Variants in IPO8 observed in about 807,000 individuals in gnomAD.
IPO8 encodes the protein importin 8, also known as importin-8.
A neutral mutation model predicts 141.2 loss-of-function variants in IPO8; 65 were observed. The ratio of observed to expected loss-of-function variants is 0.46; its 90% CI spans 0.38 to 0.57. The LOEUF is 0.57. IPO8 is among the 20% of genes least tolerant of loss of function. The pLI is 0.00. For missense variants in IPO8, 980 were observed against 1,246.8 expected (o/e 0.79, Z 3.22); for synonymous variants, 411 against 420.3 (o/e 0.98, Z 0.27).
rs1391023425 is a variant in IPO8 at position 30,639,632 on chromosome 12, T to C, written c.2372A>G (p.Tyr791Cys). 6.2e-7 allele frequency: 1 copy of C among 1,614,078 alleles called. No homozygotes were observed. Among genetic ancestry groups the C allele is most frequent in the Admixed American group, 1.7e-5 (1 of 60,026 alleles). The change falls in exon 21 of 25, where the codon TAC (tyrosine) becomes TGC (cysteine). Residue 791 changes from tyrosine (Y) to cysteine (C), a missense_variant. This residue lies in a region of IPO8 where 924 missense variants were observed against 1,153.9 expected (regional missense o/e 0.80). Coordinates refer to ENST00000256079, the MANE Select transcript of IPO8 (RefSeq NM_006390.4). ...ATGTAGCAGCAAATCAGGGTTGTAG[T>C]ACAAGGCAGCAATTGCAACCTGAAG... ...MCLQVAIAAL[Y>C]YNPDLLLHTL...
At chr12:30,679,129 G>A (rs2053159080) in intron 5 of IPO8, among the ~76,000 whole-genome samples, 2 of 152,124 alleles carry the variant, frequency 1.3e-5, no homozygotes, top group South Asian at 4.1e-4. Flanking sequence ...CTGACCCACT[G>A]CACCCGGCTG....
chr12:30,663,884 A>G (rs2052923632), intron 13 of IPO8, among the ~76,000 whole-genome samples: 1 of 152,332 alleles, frequency 6.6e-6, no homozygotes, highest in South Asian at 2.1e-4. Context: ...TAGGAAAGAG[A>G]AAAAGAAGCC....
In IPO8 at chr12:30,639,853, T is replaced by C. The variant is rs1196746884; in HGVS notation, c.2269-118A>G. 3 of 685,044 alleles carry C rather than the reference T, an allele frequency of 4.4e-6. No homozygotes were observed. The African/African-American group carries it at 5.4e-5, about 12-fold the overall frequency. 42.4% of individuals were successfully genotyped at this position (685,044 alleles called of 1,614,324 possible). On this transcript the variant is annotated intron_variant, in intron 20 of 24. Coordinates refer to ENST00000256079, the MANE Select transcript of IPO8 (RefSeq NM_006390.4). ...ACAGTCTTAATGGCAATGAGACTTTTGACTAAATCATTTTAGAGGTATTTA... is the reference window on the plus strand; with the variant it reads ...ACAGTCTTAATGGCAATGAGACTTTCGACTAAATCATTTTAGAGGTATTTA...
chr12:30,652,290 C>A lies in IPO8; in HGVS notation c.2075-1G>T. 1 of 1,570,802 alleles carries A rather than the reference C, an allele frequency of 6.4e-7. No individual in the cohort carries two copies. The highest frequency in any genetic ancestry group is 8.7e-7 in the Non-Finnish European group (1 of 1,145,806). On this transcript the variant is annotated splice_acceptor_variant, in intron 18 of 24. Coordinates refer to ENST00000256079, the MANE Select transcript of IPO8 (RefSeq NM_006390.4). LOFTEE classifies it high-confidence loss of function. ...TAATTATGCAGGAGAGGCATCATGT[C>A]TGAAAAAAAATCAAAATCCCAATGA...
chr12:30,647,200 G>A (rs1253145923), intron 20 of IPO8, among the ~76,000 whole-genome samples: 5 of 151,928 alleles, frequency 3.3e-5, no homozygotes, highest in Non-Finnish European at 5.9e-5. Context: ...ACAATTCAAT[G>A]GGGAAAAAAT....
chr12:30,659,947 G>T (rs145653560), intron 16 of IPO8, among the ~76,000 whole-genome samples: 1 of 151,956 alleles, frequency 6.6e-6, no homozygotes, highest in Non-Finnish European at 1.5e-5. Context: ...TAGCAGCCAG[G>T]CATGGCGGCT....
chr12:30,674,128 C>G (rs1192069001), intron 7 of IPO8, 54 bp from the exon 8 acceptor site: 3 of 1,125,286 alleles, frequency 2.7e-6, no homozygotes, highest in Non-Finnish European at 4.0e-6. Context: ...AAACAGCATG[C>G]TTGCTAATAA....
At chr12:30,670,870 A>T (rs1214449779) in intron 9 of IPO8, 92 bp downstream of exon 9, 2 of 1,009,834 alleles carry the variant, frequency 2.0e-6, no homozygotes, top group Non-Finnish European at 2.8e-6. Flanking sequence ...ATATATATAA[A>T]ATGTAAAATA....
chr12:30,661,341 G>A (rs775780165), intron 15 of IPO8, 75 bp from the exon 16 acceptor site: 11 of 1,376,014 alleles, frequency 8.0e-6, no homozygotes, highest in African/African-American at 3.0e-5. Flanking sequence ...TTAGCAAAAT[G>A]GCAGTGTCAC....
intron 2 of IPO8, among the ~76,000 whole-genome samples, 192 bp from the exon 3 acceptor site, chr12:30,684,649 T>C (rs1385896834): frequency 6.6e-6 from 1 of 152,184 alleles, no homozygotes; most frequent in African/African-American, 2.4e-5. Flanking sequence ...CTTCAGCTAG[T>C]CTAAGCAGAA....
rs187913163 is a variant in IPO8, at chr12:30,634,260, T to A, written c.2722A>T (p.Thr908Ser). ...NEEISSDEEE[T>S]NVTAQAMQSN... ...TGCATTGCTTGAGCAGTTACATTTG[T>A]CTCCTCTTCATCACTTGAAATCTCC... Residue 908 changes from threonine to serine, a missense_variant, in exon 23 of 25, where the codon ACA (threonine) becomes TCA (serine). By Grantham distance (58) the Thr-to-Ser change is moderately conservative. Around this residue, in one of 3 missense-constraint regions of IPO8, gnomAD observed 924 missense variants for 1,153.9 expected, o/e 0.80. Transcript: ENST00000256079. 3 of 1,613,758 alleles carry A rather than the reference T, an allele frequency of 1.9e-6. No individual in the cohort carries two copies. The highest frequency in any genetic ancestry group is 1.7e-5 in the Admixed American group (1 of 60,004).
At position 30,645,748 on chromosome 12, in the gene IPO8, A is replaced by G. The variant is rs150640937; in HGVS notation, c.2268+3389T>C. On this transcript the variant is annotated intron_variant, in intron 20 of 24. Transcript: ENST00000256079. Reference sequence around the variant, plus strand: ...ATGAACCACATGCAATGAATTAGATAAATTACGTTGAAAAATTCCAAGATG... The same window carrying G: ...ATGAACCACATGCAATGAATTAGATGAATTACGTTGAAAAATTCCAAGATG... Among the ~76,000 whole-genome samples the G allele has an allele frequency of 2.1e-3, 319 of 152,304 alleles. 6 individuals are homozygous for G. The highest frequency in any genetic ancestry group is 9.6e-4 in the East Asian group (5 of 5,186).
intron 20 of IPO8, among the ~76,000 whole-genome samples, chr12:30,648,416 C>T (rs944353767): frequency 6.6e-6 from 1 of 152,022 alleles, no homozygotes; most frequent in Non-Finnish European, 1.5e-5. Flanking sequence ...GAGCTTGGGG[C>T]GAGTGACTGT....
rs187297190 is a variant in IPO8, at chr12:30,652,849, G to A, written c.2074+118C>T. 6.9e-5 allele frequency: 68 copies of A among 982,860 alleles called. No homozygotes were observed. In the East Asian group the frequency reaches 7.3e-4, roughly 11 times the overall value. The allele number at this position is 982,860 out of a possible 1,614,324, so 60.9% of individuals were successfully genotyped here. A position where few individuals can be genotyped will look rare whatever the true frequency, so the allele number is the denominator to read the frequency against. On this transcript the variant is annotated intron_variant, in intron 18 of 24. Coordinates refer to ENST00000256079, the MANE Select transcript of IPO8 (RefSeq NM_006390.4). The stretch of plus-strand genomic sequence containing the variant: ...CAATAGCCCCAGCTTTTATGTGACC[G>A]GGAAATAAAAACATTTTCTGATCAA...
At chr12:30,655,982 A>G (rs187298233) in intron 17 of IPO8, among the ~76,000 whole-genome samples, 1 of 152,350 alleles carries the variant, frequency 6.6e-6, no homozygotes, top group Non-Finnish European at 1.5e-5. Flanking sequence ...AGCTTGTAAC[A>G]TCTAGCATTA....
intron 16 of IPO8, among the ~76,000 whole-genome samples, chr12:30,657,411 G>T (rs1445013035): frequency 1.3e-5 from 2 of 152,094 alleles, no homozygotes; most frequent in African/African-American, 4.8e-5. Flanking sequence ...TTATGGGGCT[G>T]GGAAGAAAGA....
At chr12:30,634,055 CAGA>C in intron 23 of IPO8, 25 bp downstream of exon 23, 5 of 1,563,772 alleles carry the variant, frequency 3.2e-6, no homozygotes, top group Non-Finnish European at 4.4e-6. Context: ...AAAAAAATAT[CAGA>C]AGATGTGGGG....
At chr12:30,689,643 T>C (rs2053272618) in intron 2 of IPO8, among the ~76,000 whole-genome samples, 2 of 152,220 alleles carry the variant, frequency 1.3e-5, no homozygotes, top group Admixed American at 1.3e-4. Context: ...ATGTAGATTA[T>C]GACCCATTTC....
At chr12:30,669,079 C>G (rs2053009919) in intron 10 of IPO8, 104 bp downstream of exon 10, 1 of 526,632 alleles carries the variant, frequency 1.9e-6, no homozygotes, top group Non-Finnish European at 3.3e-6. Flanking sequence ...CAAAACAGAA[C>G]CTGGGAGATT....
Sources: gnomAD v4.1 joint callset for allele counts (sites outside exome capture counted in the v4.1 genomes callset) on GRCh38, gnomAD v4.1.1 for gene constraint, gnomAD v4.1.1 regional missense constraint, MANE v1.5 for transcripts, NCBI Gene and HGNC (gene_info 2026-07-23, HGNC 2026-07-21) for gene names.